SCPEP1: variants seen among roughly 807,000 people sequenced by gnomAD.
The protein encoded by SCPEP1 is retinoid-inducible serine carboxypeptidase.
A neutral mutation model predicts 63.8 loss-of-function variants in SCPEP1; 51 were observed. The observed-to-expected ratio is 0.80, with a 90% CI of 0.64 to 1.01. The LOEUF (loss-of-function observed/expected upper bound fraction) is 1.01. Among genes scored for constraint, SCPEP1 ranks in the 50% least tolerant of loss-of-function variants. SCPEP1 has a pLI of 0.00. For missense variants in SCPEP1, 499 were observed against 554.9 expected (o/e 0.90, Z 1.01); for synonymous variants, 204 against 207.8 (o/e 0.98, Z 0.16).
chr17:57,003,596 C>T (rs373258598), intron 12 of SCPEP1, among the ~76,000 whole-genome samples: 6 of 152,066 alleles, frequency 3.9e-5, no homozygotes, highest in African/African-American at 1.4e-4. Flanking sequence ...GAACAGAAGG[C>T]AGAAGAAGAG....
chr17:57,001,070 G>C, intron 11 of SCPEP1, 78 bp downstream of exon 11: 1 of 1,463,924 alleles, frequency 6.8e-7, no homozygotes, highest in Non-Finnish European at 9.6e-7. Context: ...GGACATGTCA[G>C]TCTTGCGGTG....
chr17:56,978,551 T>C (rs1272734459), intron 1 of SCPEP1, among the ~76,000 whole-genome samples: 1 of 152,134 alleles, frequency 6.6e-6, no homozygotes, highest in Non-Finnish European at 1.5e-5. Context: ...AAGGCCATGA[T>C]TGGCTGCTAA....
At chr17:56,978,478 G>C (rs1459726046) in intron 1 of SCPEP1, among the ~76,000 whole-genome samples, 1 of 150,910 alleles carries the variant, frequency 6.6e-6, no homozygotes, top group East Asian at 1.9e-4. Context: ...CGCCTAGATA[G>C]AAGCTGTGTG....
Position 57,002,119 on chromosome 17 carries a change from T to A in SCPEP1, c.1234T>A (p.Ser412Thr). The A allele has an allele frequency of 6.2e-7, 1 of 1,614,230 alleles. No individual in the cohort carries two copies. Among genetic ancestry groups the A allele is most frequent in the Middle Eastern group, 1.6e-4 (1 of 6,062 alleles). ...CAGTGACCCTAAATCTTTGGAAACATCTGCTTTTGTCAAGTCCTACAAGAA... is the reference window on the plus strand; with the variant it reads ...CAGTGACCCTAAATCTTTGGAAACAACTGCTTTTGTCAAGTCCTACAAGAA... ...LYSDPKSLET[S>T]AFVKSYKNLA... Residue 412 changes from serine (S) to threonine (T), a missense_variant, in exon 12 of 13, where the codon TCT becomes ACT. Physicochemically the swap from Ser to Thr is moderately conservative, Grantham distance 58 (BLOSUM62 1). Coordinates refer to ENST00000262288, the MANE Select transcript of SCPEP1 (RefSeq NM_021626.3).
At chr17:56,991,244 G>T (rs2144489822) in intron 6 of SCPEP1, 73 bp downstream of exon 6, 1 of 1,150,930 alleles carries the variant, frequency 8.7e-7, no homozygotes, top group Non-Finnish European at 1.3e-6. Context: ...GGGCTGTGTT[G>T]TCCAGATCAA....
At chr17:56,999,306 C>T (rs1309457033) in intron 10 of SCPEP1, among the ~76,000 whole-genome samples, 3 of 152,102 alleles carry the variant, frequency 2.0e-5, no homozygotes, top group Non-Finnish European at 2.9e-5. Context: ...GGCATTACTG[C>T]GTTCTGGTCT....
intron 12 of SCPEP1, among the ~76,000 whole-genome samples, chr17:57,004,174 C>T (rs1340116172): frequency 2.0e-5 from 3 of 152,222 alleles, no homozygotes; most frequent in East Asian, 1.9e-4. Context: ...ATCCAGCTGG[C>T]GAGATAGCGC....
Position 56,989,972 on chromosome 17 carries a change from G to A in SCPEP1, c.547-1127G>A, listed in dbSNP as rs530692764. On this transcript the variant is annotated intron_variant, in intron 5 of 12. Transcript: ENST00000262288. ...AAAAGAATGGATCTTAGCACTTTGG[G>A]AGGCTGAGGTAGGAGGATTGCTTGA... 3.3e-5 allele frequency among the ~76,000 whole-genome samples: 5 copies of A among 152,166 alleles called. No individual in the cohort carries two copies. In the East Asian group the frequency reaches 5.8e-4, roughly 18 times the overall value.
rs1004895900 is a variant in SCPEP1, at chr17:56,996,888, C to T, written c.787-74C>T. 13 of 899,752 alleles carry T rather than the reference C, an allele frequency of 1.4e-5. 1 individual carries two copies. Among genetic ancestry groups the T allele is most frequent in the Non-Finnish European group, 2.3e-5 (13 of 572,664 alleles). 55.7% of individuals were successfully genotyped at this position (899,752 alleles called of 1,614,324 possible). On this transcript the variant is annotated intron_variant, in intron 8 of 12. Transcript: ENST00000262288. Reference sequence around the variant, plus strand: ...CCTGTCCTTGGATAAGATAAAGAGCCATGTGTCCTTCTGTTTGGCAGCTTT... The same window carrying T: ...CCTGTCCTTGGATAAGATAAAGAGCTATGTGTCCTTCTGTTTGGCAGCTTT...
At position 56,978,246 on chromosome 17, in the gene SCPEP1, G is replaced by A; in HGVS notation, c.76+11G>A. 6.5e-7 allele frequency: 1 copy of A among 1,529,390 alleles called. No homozygotes were observed. Among genetic ancestry groups the A allele is most frequent in the Non-Finnish European group, 8.8e-7 (1 of 1,141,062 alleles). The allele number at this position is 1,529,390 out of a possible 1,614,324, so 94.7% of individuals were successfully genotyped here. ...TGGGCCTGAACGCAGGTAGGTTCAA[G>A]CAAGAGGCGCACCAGCTGCCATGCC... is the stretch of plus-strand genomic sequence containing the variant. On this transcript the variant is annotated intron_variant, in intron 1 of 12. Transcript: ENST00000262288.
At chr17:56,988,333 T>C in intron 5 of SCPEP1, 43 bp downstream of exon 5, 1 of 1,457,482 alleles carries the variant, frequency 6.9e-7, no homozygotes, top group African/African-American at 1.4e-5. Context: ...GGACAGAAAA[T>C]CAATTATGTT....
At chr17:56,995,735 TC>T in intron 8 of SCPEP1, 100 bp downstream of exon 8, 1 of 1,240,554 alleles carries the variant, frequency 8.1e-7, no homozygotes, top group Non-Finnish European at 1.1e-6. Context: ...ACACTGAGGC[TC>T]CCCACATATC....
chr17:57,006,255 G>C lies in SCPEP1; in HGVS notation c.*20G>C, dbSNP rs1911889638. On this transcript the variant is annotated 3_prime_UTR_variant, in exon 13 of 13. Coordinates refer to ENST00000262288, the MANE Select transcript of SCPEP1 (RefSeq NM_021626.3). ...GAATAGGATGGATGGGGCTGGAGAT[G>C]AGCTGGTTTGGCCTTGGGGCACAGA... is the stretch of plus-strand genomic sequence containing the variant. The C allele has an allele frequency of 1.2e-6, 2 of 1,604,732 alleles. No homozygotes were observed. The highest frequency in any genetic ancestry group is 1.7e-6 in the Non-Finnish European group (2 of 1,175,154).
chr17:56,980,737 G>A (rs1162411987), intron 1 of SCPEP1, among the ~76,000 whole-genome samples: 4 of 144,708 alleles, frequency 2.8e-5, no homozygotes, highest in Admixed American at 7.2e-5. Flanking sequence ...GCGGTGAGCC[G>A]AGATTGCGCC....
chr17:56,989,308 G>A (rs937517557), intron 5 of SCPEP1, among the ~76,000 whole-genome samples: 2 of 152,210 alleles, frequency 1.3e-5, no homozygotes, highest in African/African-American at 4.8e-5. Flanking sequence ...GCTTTTATTA[G>A]TAAGCCAAGT....
intron 6 of SCPEP1, among the ~76,000 whole-genome samples, chr17:56,992,631 A>T: frequency 6.6e-6 from 1 of 152,192 alleles, no homozygotes; most frequent in East Asian, 1.9e-4. Context: ...TAAGTACTTT[A>T]CATGTGCTAA....
In SCPEP1 at chr17:56,998,328, T is replaced by C. The variant is rs750188278; in HGVS notation, c.881-57T>C. On this transcript the variant is annotated intron_variant, in intron 9 of 12. Transcript: ENST00000262288. ...CTGTCTCAAAAAAAAAAAAAAAAGA[T>C]GTCCTCTTGGCCTTACTTCCAGCCC... 4 of 1,097,198 alleles carry C rather than the reference T, an allele frequency of 3.6e-6. No individual in the cohort carries two copies. In the Admixed American group the frequency reaches 8.2e-5, roughly 23 times the overall value. The allele number at this position is 1,097,198 out of a possible 1,614,324, so 68.0% of individuals were successfully genotyped here.
chr17:56,997,861 A>C (rs896546388), intron 9 of SCPEP1: 2 of 152,914 alleles, frequency 1.3e-5, no homozygotes, highest in African/African-American at 2.4e-5. Flanking sequence ...CAAAAACCGC[A>C]GTTACTTGTG....
In SCPEP1 at chr17:57,004,269, G is replaced by A. The variant is rs138070552; in HGVS notation, c.1297-1904G>A. On this transcript the variant is annotated intron_variant, in intron 12 of 12. Coordinates refer to ENST00000262288, the MANE Select transcript of SCPEP1 (RefSeq NM_021626.3). Reference sequence around the variant, plus strand: ...ACTGGGCGCGGTGGCGCCTGCCTGTGGTCTCAGCTGCTCTGGAGGCTGAGT... The same window carrying A: ...ACTGGGCGCGGTGGCGCCTGCCTGTAGTCTCAGCTGCTCTGGAGGCTGAGT... 7.6e-3 allele frequency among the ~76,000 whole-genome samples: 1,152 copies of A among 152,284 alleles called. 15 individuals carry two copies. Among genetic ancestry groups the A allele is most frequent in the African/African-American group, 0.027 (1,114 of 41,544 alleles).
Sources: allele counts gnomAD v4.1 joint callset (sites outside exome capture counted in the v4.1 genomes callset), GRCh38; gene constraint gnomAD v4.1.1; transcripts MANE v1.5; gene names NCBI Gene and HGNC (gene_info 2026-07-23, HGNC 2026-07-21).